Variants in ZEB2 observed in about 807,000 individuals in gnomAD.
ZEB2 encodes the protein zinc finger E-box binding homeobox 2, also known as zinc finger E-box-binding homeobox 2.
In ZEB2, 6 loss-of-function variants were observed where a neutral mutation model predicts 99.9. The ratio of observed to expected loss-of-function variants is 0.06; its 90% CI spans 0.03 to 0.12. ZEB2 has a LOEUF of 0.12. Ranked by LOEUF, ZEB2 falls within the 10% of genes least tolerant of loss-of-function variation. ZEB2 has a pLI of 1.00. For synonymous variants in ZEB2, 517 were observed against 542.5 expected (o/e 0.95, Z 0.65); for missense variants, 969 against 1,502.8 (o/e 0.64, Z 5.87).
At chr2:144,465,777 T>C (rs73962017) in intron 2 of ZEB2, among the ~76,000 whole-genome samples, 6,066 of 152,222 alleles carry the variant, frequency 0.04, 353 homozygotes, top group African/African-American at 0.13. Flanking sequence ...AAAAGGTAAC[T>C]TATTCAGTGT....
intron 1 of ZEB2, chr2:144,517,668 A>G (rs1459115070): frequency 1.4e-6 from 1 of 697,574 alleles, no homozygotes; most frequent in Admixed American, 2.0e-5. Context: ...CATCTTCAAA[A>G]TGAGTCATAA....
At chr2:144,396,128 C>T (rs1403384704) in intron 9 of ZEB2, among the ~76,000 whole-genome samples, 1 of 152,126 alleles carries the variant, frequency 6.6e-6, no homozygotes, top group Non-Finnish European at 1.5e-5. Flanking sequence ...CTGTGTCATG[C>T]CATTTCATTG....
At chr2:144,413,809 A>C (rs893622217) in intron 4 of ZEB2, among the ~76,000 whole-genome samples, 3 of 152,240 alleles carry the variant, frequency 2.0e-5, no homozygotes, top group Non-Finnish European at 4.4e-5. Context: ...AATACGTTAT[A>C]ATCAAACTTG....
At chr2:144,422,645 C>T (rs1300758804) in intron 4 of ZEB2, among the ~76,000 whole-genome samples, 1 of 152,048 alleles carries the variant, frequency 6.6e-6, no homozygotes, top group African/African-American at 2.4e-5. Context: ...ACTAGAAATA[C>T]AAAAATTAGC....
At chr2:144,480,871 G>A (rs923928248) in intron 2 of ZEB2, among the ~76,000 whole-genome samples, 4 of 152,092 alleles carry the variant, frequency 2.6e-5, no homozygotes, top group African/African-American at 9.7e-5. Flanking sequence ...GTAAGCATCT[G>A]CTTTCACGAT....
Position 144,399,646 on chromosome 2 carries a change from G to A in ZEB2, c.1541C>T (p.Pro514Leu), listed in dbSNP as rs1302932819. ...TSPNIPPVGL[P>L]VVSHNGATKS... ...AGTGGCACCATTATGACTCACTACCGGAAGACCGACAGGCGGAATATTAGG... is the reference window on the plus strand; with the variant it reads ...AGTGGCACCATTATGACTCACTACCAGAAGACCGACAGGCGGAATATTAGG... The change falls in exon 8 of 10, where the codon CCG (proline) becomes CTG (leucine). Residue 514 changes from proline to leucine, a missense_variant. Physicochemically the swap from Pro to Leu is moderately conservative, Grantham distance 98. Transcript: ENST00000627532. This position sits in a 1 kb window ranked among gnomAD's most constrained non-coding sequence, Gnocchi z 5.6. 5.0e-6 allele frequency: 8 copies of A among 1,614,138 alleles called. No individual in the cohort carries two copies. The highest frequency in any genetic ancestry group is 5.9e-6 in the Non-Finnish European group (7 of 1,180,022).
At position 144,493,661 on chromosome 2, in the gene ZEB2, C is replaced by A. The variant is rs1351828689; in HGVS notation, c.73+23617G>T. On this transcript the variant is annotated intron_variant, in intron 2 of 9. Coordinates refer to ENST00000627532, the MANE Select transcript of ZEB2 (RefSeq NM_014795.4). ...GAACATGAAACAGTGAAGCAGCTCG[C>A]CTTGCAGCCTCTAGCAGACAGCACA... Among the ~76,000 whole-genome samples, 4 of 152,066 alleles carry A rather than the reference C, an allele frequency of 2.6e-5. No homozygotes were observed. The South Asian group carries it at 6.2e-4, about 24-fold the overall frequency.
chr2:144,394,521 A>T (rs990007508), intron 9 of ZEB2: 9 of 152,258 alleles, frequency 5.9e-5, no homozygotes, highest in Non-Finnish European at 1.5e-5. Flanking sequence ...GTTGATTAAA[A>T]TATTAAAATT....
chr2:144,474,189 T>C (rs1704398598), intron 2 of ZEB2, among the ~76,000 whole-genome samples: 2 of 152,186 alleles, frequency 1.3e-5, no homozygotes, highest in Non-Finnish European at 2.9e-5. Context: ...TCAGACCAGA[T>C]GGATGGCCTC....
At position 144,396,434 on chromosome 2, in the gene ZEB2, C is replaced by T; in HGVS notation, c.3045G>A (p.Leu1015=). The change falls in exon 9 of 10, where the codon CTG becomes CTA. Residue 1015 remains leucine (L), a synonymous_variant. Coordinates refer to ENST00000627532, the MANE Select transcript of ZEB2 (RefSeq NM_014795.4). ...TACCTGTGTGTTCGTATTTATGTCG[C>T]AGAAGGGAACTGCTTTTCTGGAATG... ...DKTFQKSSSL[L]RHKYEHTGKR... 1 of 1,613,710 alleles carries T rather than the reference C, an allele frequency of 6.2e-7. No individual in the cohort carries two copies. Among genetic ancestry groups the T allele is most frequent in the East Asian group, 2.2e-5 (1 of 44,888 alleles).
Position 144,420,912 on chromosome 2 carries a change from G to A in ZEB2, c.403+3884C>T, listed in dbSNP as rs149559750. ...TATCGGACTGAAGAACGTCCTGTAG[G>A]TGCTAAGGGGCAATTCAGGATTCTA... On this transcript the variant is annotated intron_variant, in intron 4 of 9. Coordinates refer to ENST00000627532, the MANE Select transcript of ZEB2 (RefSeq NM_014795.4). 3.3e-5 allele frequency among the ~76,000 whole-genome samples: 5 copies of A among 152,282 alleles called. No individual in the cohort carries two copies. In the East Asian group the frequency reaches 9.7e-4, roughly 29 times the overall value.
intron 2 of ZEB2, among the ~76,000 whole-genome samples, chr2:144,446,654 C>G (rs946052756): frequency 2.4e-4 from 37 of 151,900 alleles, no homozygotes; most frequent in African/African-American, 8.7e-4. Context: ...TCAATCTACT[C>G]TCATTTTTTT....
intron 2 of ZEB2, chr2:144,504,289 G>C (rs1047204220): frequency 6.6e-6 from 1 of 152,276 alleles, no homozygotes; most frequent in Non-Finnish European, 1.5e-5. Flanking sequence ...AGCCCTAGTG[G>C]TAAGAATTAG....
Position 144,403,949 on chromosome 2 carries a change from C to A in ZEB2, c.774G>T (p.Arg258=). The A allele has an allele frequency of 6.2e-7, 1 of 1,614,176 alleles. No individual in the cohort carries two copies. The highest frequency in any genetic ancestry group is 8.5e-7 in the Non-Finnish European group (1 of 1,180,030). ...TCCCTGGCTTGTGTGTCACCATATG[C>A]CGCTCGAGCTGGGTGCGGTAGGCAA... is the stretch of plus-strand genomic sequence containing the variant. ...YTFAYRTQLE[R]HMVTHKPGTD... The change falls in exon 6 of 10, where the codon CGG becomes CGT. Residue 258 remains arginine (R), a synonymous_variant. Transcript: ENST00000627532.
chr2:144,494,050 G>T (rs2149920915), intron 2 of ZEB2, among the ~76,000 whole-genome samples: 1 of 151,170 alleles, frequency 6.6e-6, no homozygotes, highest in South Asian at 2.1e-4. Flanking sequence ...TACTCGGGAG[G>T]CTGAGGCAGG....
At chr2:144,444,306 C>T (rs892093720) in intron 2 of ZEB2, among the ~76,000 whole-genome samples, 12 of 152,164 alleles carry the variant, frequency 7.9e-5, no homozygotes, top group East Asian at 1.9e-4. Flanking sequence ...ACACAAACTT[C>T]GAGTGGCAAA....
intron 2 of ZEB2, among the ~76,000 whole-genome samples, chr2:144,434,377 T>TA (rs1481502323): frequency 2.0e-5 from 3 of 152,144 alleles, no homozygotes; most frequent in African/African-American, 7.2e-5. Flanking sequence ...TGGAGAAATA[T>TA]AATCACAAAA....
At chr2:144,450,320 A>G (rs1704039351) in intron 2 of ZEB2, 1 of 152,180 alleles carries the variant, frequency 6.6e-6, no homozygotes, top group Non-Finnish European at 1.5e-5. Context: ...TTACATCAAT[A>G]TTTCCTTTTC....
chr2:144,397,381 A>G (rs1458371529), intron 8 of ZEB2, among the ~76,000 whole-genome samples: 1 of 152,238 alleles, frequency 6.6e-6, no homozygotes, highest in Non-Finnish European at 1.5e-5. Flanking sequence ...AAATTGGAAT[A>G]CTGGAACAGC....
Sources: allele counts gnomAD v4.1 joint callset (sites outside exome capture counted in the v4.1 genomes callset), GRCh38; gene constraint gnomAD v4.1.1; non-coding constraint Gnocchi (gnomAD v3.1); transcripts MANE v1.5; gene names NCBI Gene and HGNC (gene_info 2026-07-23, HGNC 2026-07-21).